CARMIL1: variants seen among roughly 807,000 people sequenced by gnomAD.
The protein encoded by CARMIL1 is F-actin-uncapping protein LRRC16A.
In CARMIL1, 90 loss-of-function variants were observed where a neutral mutation model predicts 177.1. The observed-to-expected ratio is 0.51, with a 90% CI of 0.43 to 0.61. CARMIL1 has a LOEUF of 0.61. Ranked by LOEUF, CARMIL1 falls within the 20% of genes least tolerant of loss-of-function variation. CARMIL1 has a pLI of 0.00. For missense variants in CARMIL1, 1,380 were observed against 1,667.0 expected (o/e 0.83, Z 3.00); for synonymous variants, 577 against 606.2 (o/e 0.95, Z 0.71).
chr6:25,345,211 GT>G (rs765573314), intron 2 of CARMIL1, among the ~76,000 whole-genome samples: 4 of 152,138 alleles, frequency 2.6e-5, no homozygotes, highest in Non-Finnish European at 4.4e-5. Flanking sequence ...CAGTCAGTAA[GT>G]CCCCTCCATG....
At chr6:25,483,977 C>T (rs888331581) in intron 12 of CARMIL1, among the ~76,000 whole-genome samples, 1 of 152,064 alleles carries the variant, frequency 6.6e-6, no homozygotes, top group Non-Finnish European at 1.5e-5. Context: ...TGGCCAGTCT[C>T]GAACTCCTGA....
intron 2 of CARMIL1, among the ~76,000 whole-genome samples, chr6:25,322,419 A>G (rs897995165): frequency 1.3e-5 from 2 of 152,378 alleles, no homozygotes; most frequent in South Asian, 4.1e-4. Context: ...CACTATGCCC[A>G]GCCTTCACTG....
rs200837661 is a variant in CARMIL1, at chr6:25,551,025, G to T, written c.2444G>T (p.Arg815Leu). The change falls in exon 27 of 37, where the codon CGT becomes CTT. Residue 815 changes from arginine (R) to leucine (L), a missense_variant. Arg to Leu is a moderately radical substitution (Grantham distance 102, BLOSUM62 -2). Coordinates refer to ENST00000329474, the MANE Select transcript of CARMIL1 (RefSeq NM_017640.6). ...AGCACCGAAAAGATTTCTATTCCAC[G>T]TACCTTTGTTAAAAATGTCCTGTTG... ...HASTEKISIP[R>L]TFVKNVLLEQ... 278 of 1,613,276 alleles carry T rather than the reference G, an allele frequency of 1.7e-4. 1 individual carries two copies. The highest frequency in any genetic ancestry group is 1.5e-4 in the Non-Finnish European group (174 of 1,179,536).
intron 33 of CARMIL1, among the ~76,000 whole-genome samples, chr6:25,603,497 A>G (rs1251274687): frequency 1.3e-5 from 2 of 152,176 alleles, no homozygotes; most frequent in African/African-American, 2.4e-5. Flanking sequence ...GGGTAGATTG[A>G]TGAATTCAGG....
chr6:25,445,307 C>T (rs1798121575), intron 5 of CARMIL1, among the ~76,000 whole-genome samples: 1 of 152,192 alleles, frequency 6.6e-6, no homozygotes, highest in Non-Finnish European at 1.5e-5. Flanking sequence ...TCTGCAGTTA[C>T]TTCCTCCACT....
chr6:25,363,753 T>C (rs967206013), intron 2 of CARMIL1, among the ~76,000 whole-genome samples: 1 of 152,230 alleles, frequency 6.6e-6, no homozygotes, highest in African/African-American at 2.4e-5. Flanking sequence ...TAGTTTTATA[T>C]ATAGATTCAT....
At chr6:25,471,818 G>A (rs1801126933) in intron 10 of CARMIL1, among the ~76,000 whole-genome samples, 1 of 152,058 alleles carries the variant, frequency 6.6e-6, no homozygotes, top group Non-Finnish European at 1.5e-5. Context: ...TCTTTATCTA[G>A]TGGTTTAGTA....
intron 31 of CARMIL1, among the ~76,000 whole-genome samples, chr6:25,588,146 A>G (rs542382468): frequency 2.0e-5 from 3 of 152,342 alleles, no homozygotes; most frequent in South Asian, 4.2e-4. Context: ...TACAAATACT[A>G]TGCCATTTTA....
intron 2 of CARMIL1, among the ~76,000 whole-genome samples, chr6:25,311,367 GAGTCACTGACTAAGCTGACTGGCTT>G (rs1486686583): frequency 6.6e-6 from 1 of 152,154 alleles, no homozygotes; most frequent in African/African-American, 2.4e-5. Flanking sequence ...TCTTTGGAAG[GAGTCACTGACTAAGCTGACTGGCTT>G]AGTCACTGAC....
chr6:25,372,505 A>C (rs997742866), intron 2 of CARMIL1, among the ~76,000 whole-genome samples: 2 of 151,996 alleles, frequency 1.3e-5, no homozygotes, highest in Non-Finnish European at 2.9e-5. Context: ...TTTTGCTGTT[A>C]TTATAAAAGG....
intron 1 of CARMIL1, among the ~76,000 whole-genome samples, chr6:25,283,593 C>A (rs1313237841): frequency 6.6e-6 from 1 of 152,176 alleles, no homozygotes; most frequent in Non-Finnish European, 1.5e-5. Flanking sequence ...AATGTGAAGT[C>A]TCCAGATTTC....
chr6:25,507,134 A>T (rs1331557443), intron 17 of CARMIL1, among the ~76,000 whole-genome samples: 1 of 152,214 alleles, frequency 6.6e-6, no homozygotes, highest in Non-Finnish European at 1.5e-5. Flanking sequence ...GTAATTTAAA[A>T]ACCAGTTTTA....
intron 11 of CARMIL1, among the ~76,000 whole-genome samples, chr6:25,476,148 A>C (rs1049168330): frequency 1.3e-5 from 2 of 152,160 alleles, no homozygotes; most frequent in African/African-American, 4.8e-5. Flanking sequence ...AATTACGGTG[A>C]AGTTTGAGAG....
intron 5 of CARMIL1, 146 bp from the exon 6 acceptor site, chr6:25,449,748 CAAAA>C: frequency 1.9e-6 from 1 of 530,202 alleles, no homozygotes; most frequent in Non-Finnish European, 3.4e-6. Flanking sequence ...CTCTAGTGCT[CAAAA>C]AAATTGAAAA....
intron 8 of CARMIL1, among the ~76,000 whole-genome samples, chr6:25,454,640 AC>A (rs200943832): frequency 0.059 from 9,013 of 152,274 alleles, 314 homozygotes; most frequent in South Asian, 0.1. Context: ...GGTATTCAAA[AC>A]AATTTTTTAC....
intron 32 of CARMIL1, among the ~76,000 whole-genome samples, chr6:25,595,906 C>T (rs773483026): frequency 5.3e-5 from 8 of 152,134 alleles, no homozygotes; most frequent in Admixed American, 1.3e-4. Context: ...CAATGTCTAA[C>T]GCAGCCCATA....
Position 25,299,002 on chromosome 6 carries a change from T to A in CARMIL1, c.138+14093T>A, listed in dbSNP as rs1782647451. Among the ~76,000 whole-genome samples the A allele has an allele frequency of 2.0e-5, 3 of 152,132 alleles. No homozygotes were observed. The South Asian group carries it at 6.2e-4, about 32-fold the overall frequency. On this transcript the variant is annotated intron_variant, in intron 2 of 36. Transcript: ENST00000329474. ...CCTGACCTCAGGTGATCTGCCCGCCTCAGCCTCCCAAAGTGCTGGGATTAC... is the reference window on the plus strand; with the variant it reads ...CCTGACCTCAGGTGATCTGCCCGCCACAGCCTCCCAAAGTGCTGGGATTAC...
At chr6:25,553,292 A>G (rs754050170) in intron 27 of CARMIL1, among the ~76,000 whole-genome samples, 3 of 152,218 alleles carry the variant, frequency 2.0e-5, no homozygotes, top group Non-Finnish European at 2.9e-5. Flanking sequence ...GAGAACACAC[A>G]TGAAAGTGGA....
intron 29 of CARMIL1, among the ~76,000 whole-genome samples, chr6:25,573,216 A>G (rs770194952): frequency 1.3e-5 from 2 of 152,172 alleles, no homozygotes; most frequent in Non-Finnish European, 2.9e-5. Context: ...ATGTCACCCA[A>G]ATTATCCCAT....
Sources: allele counts gnomAD v4.1 joint callset (sites outside exome capture counted in the v4.1 genomes callset), GRCh38; gene constraint gnomAD v4.1.1; transcripts MANE v1.5; gene names NCBI Gene and HGNC (gene_info 2026-07-23, HGNC 2026-07-21).